The following SLC24A3 variants were observed in gnomAD, a reference collection of about 807,000 sequenced individuals.
SLC24A3 encodes the protein solute carrier family 24 member 3.
In SLC24A3, 28 loss-of-function variants were observed where a neutral mutation model predicts 75.8. The observed-to-expected ratio is 0.37, with a 90% confidence interval of 0.27 to 0.51. SLC24A3 has a LOEUF of 0.51. Ranked by LOEUF, SLC24A3 falls within the 20% of genes least tolerant of loss-of-function variation. The pLI, the probability that SLC24A3 is intolerant of heterozygous loss-of-function variation, is 0.94. For missense variants in SLC24A3, 663 were observed against 847.8 expected (o/e 0.78, Z 2.71); for synonymous variants, 372 against 334.1 (o/e 1.11, Z -1.24).
chr20:19,642,934 T>C (rs2032093200), intron 6 of SLC24A3, among the ~76,000 whole-genome samples: 2 of 152,320 alleles, frequency 1.3e-5, no homozygotes, highest in South Asian at 4.2e-4. Flanking sequence ...GGGGGAAATA[T>C]CTTCCAAGCA....
intron 2 of SLC24A3, among the ~76,000 whole-genome samples, chr20:19,324,326 G>A (rs1019805207): frequency 6.6e-6 from 1 of 152,144 alleles, no homozygotes; most frequent in African/African-American, 2.4e-5. Flanking sequence ...TCACTGGATT[G>A]GTTTGCAACC....
chr20:19,356,182 G>C (rs571320851), intron 2 of SLC24A3, among the ~76,000 whole-genome samples: 6 of 152,122 alleles, frequency 3.9e-5, no homozygotes, highest in Non-Finnish European at 7.4e-5. Flanking sequence ...AAACATATAG[G>C]GAGTAACATA....
chr20:19,541,907 A>C (rs1037208191), intron 3 of SLC24A3, among the ~76,000 whole-genome samples: 1 of 152,224 alleles, frequency 6.6e-6, no homozygotes, highest in Non-Finnish European at 1.5e-5. Flanking sequence ...TACTGTGTGC[A>C]CTACCAGCCA....
chr20:19,479,574 G>A (rs140571868), intron 2 of SLC24A3, among the ~76,000 whole-genome samples: 3 of 152,344 alleles, frequency 2.0e-5, no homozygotes, highest in East Asian at 1.9e-4. Flanking sequence ...TGTGTGAGTG[G>A]GGAAGAGAGA....
rs1187751533 is a variant in SLC24A3, at chr20:19,548,089, C to A, written c.349-31911C>A. Among the ~76,000 whole-genome samples, 3 of 152,200 alleles carry A rather than the reference C, an allele frequency of 2.0e-5. No homozygotes were observed. The South Asian group carries it at 6.2e-4, about 31-fold the overall frequency. On this transcript the variant is annotated intron_variant, in intron 3 of 16. Coordinates refer to ENST00000328041, the MANE Select transcript of SLC24A3 (RefSeq NM_020689.4). The stretch of plus-strand genomic sequence containing the variant: ...CATGCAGAATAGTTCAGTCCCAGTA[C>A]ATGAAGAATGTGGGCCTGGTATCAA...
intron 3 of SLC24A3, among the ~76,000 whole-genome samples, chr20:19,521,139 C>T (rs1026679540): frequency 6.6e-6 from 1 of 152,036 alleles, no homozygotes; most frequent in Non-Finnish European, 1.5e-5. Flanking sequence ...TCCCTCTTTG[C>T]CTCCCTCCCT....
chr20:19,417,135 G>A (rs981034159), intron 2 of SLC24A3, among the ~76,000 whole-genome samples: 5 of 152,092 alleles, frequency 3.3e-5, no homozygotes, highest in Admixed American at 3.3e-4. Flanking sequence ...CAAGTAATTT[G>A]GGGTGTATTA....
intron 2 of SLC24A3, among the ~76,000 whole-genome samples, chr20:19,299,177 CGT>C (rs761006484): frequency 2.6e-4 from 34 of 130,290 alleles, no homozygotes; most frequent in East Asian, 7.9e-4. Flanking sequence ...TCTTCCCCTT[CGT>C]GTGTGTGTGT....
chr20:19,344,908 C>A (rs1403135519), intron 2 of SLC24A3, among the ~76,000 whole-genome samples: 3 of 152,070 alleles, frequency 2.0e-5, no homozygotes, highest in African/African-American at 4.8e-5. Flanking sequence ...GATACTTTAC[C>A]CCTAAGATCA....
At chr20:19,245,136 G>C (rs573000016) in intron 1 of SLC24A3, among the ~76,000 whole-genome samples, 14 of 152,276 alleles carry the variant, frequency 9.2e-5, no homozygotes, top group African/African-American at 2.9e-4. Flanking sequence ...TCTAGGTGGG[G>C]CTGGGGGAGT....
intron 3 of SLC24A3, among the ~76,000 whole-genome samples, chr20:19,570,958 A>T (rs1600284897): frequency 6.6e-6 from 1 of 152,142 alleles, no homozygotes. Context: ...AGAGGTCTCC[A>T]TAGAAGGGGA....
intron 2 of SLC24A3, among the ~76,000 whole-genome samples, chr20:19,377,704 A>G (rs1986109240): frequency 6.6e-6 from 1 of 152,226 alleles, no homozygotes; most frequent in East Asian, 1.9e-4. Flanking sequence ...TTGTCCTTCC[A>G]TGGATTTTGA....
At chr20:19,343,355 CTA>C (rs1985318717) in intron 2 of SLC24A3, among the ~76,000 whole-genome samples, 1 of 152,102 alleles carries the variant, frequency 6.6e-6, no homozygotes. Flanking sequence ...ATCACCTACT[CTA>C]TGTGTTTTCA....
intron 3 of SLC24A3, among the ~76,000 whole-genome samples, chr20:19,574,446 G>T (rs2073169014): frequency 1.3e-5 from 2 of 152,254 alleles, no homozygotes; most frequent in Non-Finnish European, 2.9e-5. Context: ...ACAATTCATT[G>T]GTTCATGGGT....
chr20:19,223,522 C>T (rs1426525690), intron 1 of SLC24A3, among the ~76,000 whole-genome samples: 2 of 152,152 alleles, frequency 1.3e-5, no homozygotes, highest in African/African-American at 4.8e-5. Context: ...ATGGATAGTA[C>T]TGAATGCTAC....
intron 12 of SLC24A3, 136 bp from the exon 13 acceptor site, chr20:19,693,123 T>C (rs6106120): frequency 0.27 from 254,321 of 945,030 alleles, 35,991 homozygotes; most frequent in African/African-American, 0.4. Flanking sequence ...TTTGAATGTT[T>C]TAGAAAAAGA....
chr20:19,709,043 G>C (rs904207067), intron 15 of SLC24A3, among the ~76,000 whole-genome samples: 21 of 152,126 alleles, frequency 1.4e-4, no homozygotes, highest in African/African-American at 4.8e-4. Flanking sequence ...AAGAAGGAGG[G>C]AAGGCAGCCC....
intron 2 of SLC24A3, among the ~76,000 whole-genome samples, chr20:19,407,481 AGAG>A (rs1312980747): frequency 6.6e-6 from 1 of 152,238 alleles, no homozygotes; most frequent in African/African-American, 2.4e-5. Context: ...TGTCGGACAC[AGAG>A]GAGGGAAAAT....
intron 6 of SLC24A3, among the ~76,000 whole-genome samples, chr20:19,626,888 A>T (rs1252231941): frequency 2.0e-5 from 3 of 152,248 alleles, no homozygotes; most frequent in African/African-American, 7.2e-5. Context: ...ATGGGCTGTC[A>T]CGTAGAGCCA....
Sources: allele counts gnomAD v4.1 joint callset (sites outside exome capture counted in the v4.1 genomes callset), GRCh38; gene constraint gnomAD v4.1.1; transcripts MANE v1.5; gene names NCBI Gene and HGNC (gene_info 2026-07-23, HGNC 2026-07-21).